Variants in PCDHA5 observed in about 807,000 individuals in gnomAD.
PCDHA5 encodes protocadherin alpha 5.
A neutral mutation model predicts 61.6 loss-of-function variants in PCDHA5; 43 were observed. The observed-to-expected ratio is 0.70, with a 90% CI of 0.55 to 0.90. The LOEUF is 0.90. PCDHA5 is among the 40% of genes least tolerant of loss of function. The probability of loss-of-function intolerance (pLI) is 0.00; values close to 1 mark genes in which losing one functional copy is unlikely to be tolerated. For synonymous variants in PCDHA5, 627 were observed against 543.9 expected (o/e 1.15, Z -2.13); for missense variants, 1,298 against 1,222.7 (o/e 1.06, Z -0.92).
Position 140,835,250 on chromosome 5 carries a change from A to G in PCDHA5, c.2352+11123A>G, listed in dbSNP as rs1313960035. 30 of 1,605,300 alleles carry G rather than the reference A, an allele frequency of 1.9e-5. No individual in the cohort carries two copies. In the African/African-American group the frequency reaches 3.1e-4, roughly 17 times the overall value. ...TCTCCAGTGATGTTTCTCCAGATAT[A>G]AAATCCAAGTTCCACATGGACCCCT... On this transcript the variant is annotated intron_variant, in intron 1 of 3. Transcript: ENST00000529859.
intron 1 of PCDHA5, chr5:140,830,508 C>G: frequency 7.1e-7 from 1 of 1,415,164 alleles, no homozygotes; most frequent in African/African-American, 1.4e-5. Context: ...TCATAATTAA[C>G]AGTTAATTTT....
intron 1 of PCDHA5, chr5:140,875,760 C>A (rs781811926): frequency 1.2e-6 from 2 of 1,614,200 alleles, no homozygotes; most frequent in Non-Finnish European, 1.7e-6. Flanking sequence ...AGAAGCTGTG[C>A]GGGCGGAGCG....
chr5:140,947,551 C>G (rs1203978810), intron 1 of PCDHA5, among the ~76,000 whole-genome samples: 3 of 151,488 alleles, frequency 2.0e-5, no homozygotes, highest in Non-Finnish European at 4.4e-5. Context: ...AAGAATTCCG[C>G]TGGGATTTAT....
In PCDHA5 at chr5:140,851,081, A is replaced by C. The variant is rs1259623632; in HGVS notation, c.2352+26954A>C. 1.0e-5 allele frequency: 13 copies of C among 1,303,686 alleles called. No individual in the cohort carries two copies. In the East Asian group the frequency reaches 3.5e-4, roughly 35 times the overall value. 80.8% of individuals were successfully genotyped at this position (1,303,686 alleles called of 1,614,324 possible). Reference sequence around the variant, plus strand: ...ACTTCTAGTGAGAATTATAAACTGTATATTAAATAGATATTTTTTGGGTGC... The same window carrying C: ...ACTTCTAGTGAGAATTATAAACTGTCTATTAAATAGATATTTTTTGGGTGC... On this transcript the variant is annotated intron_variant, in intron 1 of 3. Transcript: ENST00000529859.
intron 1 of PCDHA5, chr5:140,862,507 G>C (rs2047400822): frequency 5.0e-6 from 2 of 401,986 alleles, no homozygotes; most frequent in Non-Finnish European, 5.0e-6. Flanking sequence ...ATGGGGACTC[G>C]CTTTCATTGT....
At chr5:140,831,281 C>G (rs1312764536) in intron 1 of PCDHA5, 1 of 152,158 alleles carries the variant, frequency 6.6e-6, no homozygotes, top group Non-Finnish European at 1.5e-5. Context: ...ATGGTCTTCT[C>G]TTCATGGAGT....
intron 1 of PCDHA5, chr5:140,877,042 G>C: frequency 6.2e-7 from 1 of 1,612,636 alleles, no homozygotes; most frequent in Non-Finnish European, 8.5e-7. Context: ...GCAGCCGCTA[G>C]ACCACGAGGA....
rs1325390456 is a variant in PCDHA5, at chr5:140,928,073, A to G, written c.2353-50876A>G. 8.7e-6 allele frequency: 14 copies of G among 1,614,066 alleles called. No homozygotes were observed. The highest frequency in any genetic ancestry group is 8.0e-5 in the African/African-American group (6 of 74,934). On this transcript the variant is annotated intron_variant, in intron 1 of 3. Coordinates refer to ENST00000529859, the MANE Select transcript of PCDHA5 (RefSeq NM_018908.3). ...CAGCTGACGGCTTCCTTTGACAACTACTACAGCCTGCTGATTGATGGGCCC... is the reference window on the plus strand; with the variant it reads ...CAGCTGACGGCTTCCTTTGACAACTGCTACAGCCTGCTGATTGATGGGCCC...
rs575141569 is a variant in PCDHA5, at chr5:140,917,876, CT to C, written c.2353-61063del. Among the ~76,000 whole-genome samples, 1,293 of 147,130 alleles carry C rather than the reference CT, an allele frequency of 8.8e-3. 5 individuals carry two copies. Among genetic ancestry groups the C allele is most frequent in the African/African-American group, 0.02 (816 of 40,244 alleles). ...TAGGATTGCTTTGACTATTTGGGCT[CT>C]TTTTTTTTTCCATATGAATGTTAGG... On this transcript the variant is annotated intron_variant, in intron 1 of 3. Coordinates refer to ENST00000529859, the MANE Select transcript of PCDHA5 (RefSeq NM_018908.3).
At chr5:140,841,682 G>C (rs2150320729) in intron 1 of PCDHA5, 34 of 1,613,844 alleles carry the variant, frequency 2.1e-5, no homozygotes, top group Non-Finnish European at 2.5e-6. Flanking sequence ...CCATGTGGAC[G>C]TGGAGGTGAA....
rs146340581 is a variant in PCDHA5, at chr5:140,957,263, C to T, written c.2353-21686C>T. On this transcript the variant is annotated intron_variant, in intron 1 of 3. Transcript: ENST00000529859. ...TCTACCTAAAATTTAAATATGTAAG[C>T]ACTAGTCCCCCCTTACCTGCAGTTT... Among the ~76,000 whole-genome samples, 73 of 152,260 alleles carry T rather than the reference C, an allele frequency of 4.8e-4. No homozygotes were observed. In the East Asian group the frequency reaches 0.01, roughly 22 times the overall value.
At chr5:140,829,503 G>C (rs2150169106) in intron 1 of PCDHA5, 4 of 1,613,554 alleles carry the variant, frequency 2.5e-6, no homozygotes, top group Non-Finnish European at 2.5e-6. Flanking sequence ...AACCCGCCGG[G>C]CTGCCACATC....
At chr5:140,944,809 A>G (rs2093698274) in intron 1 of PCDHA5, among the ~76,000 whole-genome samples, 1 of 152,220 alleles carries the variant, frequency 6.6e-6, no homozygotes, top group African/African-American at 2.4e-5. Flanking sequence ...GAGGGTCCAC[A>G]GTGATCTTTG....
chr5:140,845,564 A>G (rs945837920), intron 1 of PCDHA5, among the ~76,000 whole-genome samples: 4 of 149,618 alleles, frequency 2.7e-5, no homozygotes, highest in African/African-American at 9.8e-5. Context: ...TTAGCTATTA[A>G]GAATTTCTGG....
intron 1 of PCDHA5, chr5:140,856,192 G>A (rs782508103): frequency 1.9e-6 from 3 of 1,598,180 alleles, no homozygotes; most frequent in Non-Finnish European, 1.7e-6. Context: ...GCCGCATCGC[G>A]CAGGACCTGG....
intron 2 of PCDHA5, among the ~76,000 whole-genome samples, chr5:140,979,316 G>A (rs782153299): frequency 2.0e-5 from 3 of 151,950 alleles, no homozygotes; most frequent in Non-Finnish European, 4.4e-5. Context: ...CTCTACCTAT[G>A]CTTTCTTTTC....
At chr5:140,843,184 G>C in intron 1 of PCDHA5, 1 of 1,596,022 alleles carries the variant, frequency 6.3e-7, no homozygotes, top group Non-Finnish European at 8.6e-7. Flanking sequence ...CTCGCATCCC[G>C]TTCCGCGTGG....
intron 1 of PCDHA5, chr5:140,969,351 G>T: frequency 6.2e-7 from 1 of 1,612,990 alleles, no homozygotes; most frequent in Non-Finnish European, 8.5e-7. Flanking sequence ...TGGTCAGGGG[G>T]TCTTCTACAA....
Position 140,821,931 on chromosome 5 carries a change from G to C in PCDHA5, c.156G>C (p.Gly52=). The C allele has an allele frequency of 1.2e-6, 2 of 1,614,176 alleles. No individual in the cohort carries two copies. The highest frequency in any genetic ancestry group is 8.5e-7 in the Non-Finnish European group (1 of 1,180,042). ...TFVGRIAQDL[G]LELAELVPRL... The stretch of plus-strand genomic sequence containing the variant: ...TTGGCCGCATCGCGCAGGACCTAGG[G>C]CTGGAGCTGGCGGAGCTGGTGCCGC... Residue 52 remains glycine, a synonymous_variant, in exon 1 of 4, where the codon GGG becomes GGC. Coordinates refer to ENST00000529859, the MANE Select transcript of PCDHA5 (RefSeq NM_018908.3).
Sources: gnomAD v4.1 joint callset for allele counts (sites outside exome capture counted in the v4.1 genomes callset) on GRCh38, gnomAD v4.1.1 for gene constraint, MANE v1.5 for transcripts, NCBI Gene and HGNC (gene_info 2026-07-23, HGNC 2026-07-21) for gene names.